The following TMTC2 variants were observed in gnomAD, a reference collection of about 807,000 sequenced individuals.
TMTC2 encodes transmembrane O-mannosyltransferase targeting cadherins 2.
TMTC2 carries 43 observed loss-of-function variants against 82.4 expected under a neutral mutation model. That is an observed-to-expected ratio of 0.52 (90% confidence interval 0.41 to 0.67). The LOEUF (loss-of-function observed/expected upper bound fraction) is 0.67, where lower values mean the gene tolerates loss of function less well. Ranked by LOEUF, TMTC2 falls within the 30% of genes least tolerant of loss-of-function variation. The probability of loss-of-function intolerance (pLI) is 0.00; values close to 1 mark genes in which losing one functional copy is unlikely to be tolerated. For synonymous variants in TMTC2, 408 were observed against 381.9 expected (o/e 1.07, Z -0.80); for missense variants, 919 against 1,012.4 (o/e 0.91, Z 1.25).
intron 11 of TMTC2, among the ~76,000 whole-genome samples, chr12:83,129,963 T>TA (rs967665584): frequency 1.3e-5 from 2 of 152,120 alleles, no homozygotes; most frequent in African/African-American, 4.8e-5. Flanking sequence ...AAATAATAGA[T>TA]ACAGACACTA....
At chr12:82,747,898 G>T (rs928590937) in intron 1 of TMTC2, among the ~76,000 whole-genome samples, 4 of 152,122 alleles carry the variant, frequency 2.6e-5, no homozygotes, top group African/African-American at 9.7e-5. Flanking sequence ...AACACCAGTT[G>T]GGCTAGTATA....
intron 3 of TMTC2, among the ~76,000 whole-genome samples, chr12:82,917,201 C>A (rs949462598): frequency 6.6e-6 from 1 of 152,172 alleles, no homozygotes; most frequent in Non-Finnish European, 1.5e-5. Context: ...ACAACACATT[C>A]ATGCTCGTTT....
At chr12:82,756,462 T>C (rs1876331541) in intron 1 of TMTC2, among the ~76,000 whole-genome samples, 2 of 152,228 alleles carry the variant, frequency 1.3e-5, no homozygotes. Flanking sequence ...GTGAGGGTTT[T>C]ACCTTACTGA....
At chr12:82,885,433 A>C (rs1873044911) in intron 2 of TMTC2, among the ~76,000 whole-genome samples, 1 of 151,802 alleles carries the variant, frequency 6.6e-6, no homozygotes, top group South Asian at 2.1e-4. Context: ...TGCAGTGGCT[A>C]ATCAGAGCTC....
intron 8 of TMTC2, among the ~76,000 whole-genome samples, chr12:83,024,517 T>C (rs551121164): frequency 6.6e-6 from 1 of 152,248 alleles, no homozygotes; most frequent in Non-Finnish European, 1.5e-5. Context: ...TGTAAGAAAT[T>C]CCCAAAGAGT....
At chr12:82,975,874 T>C (rs1410899065) in intron 7 of TMTC2, among the ~76,000 whole-genome samples, 1 of 124,134 alleles carries the variant, frequency 8.1e-6, no homozygotes, top group African/African-American at 3.0e-5. Flanking sequence ...TCTTTTTTCC[T>C]TTCTCTGGTA....
chr12:82,978,779 T>C (rs1878793065), intron 7 of TMTC2, among the ~76,000 whole-genome samples: 1 of 151,750 alleles, frequency 6.6e-6, no homozygotes, highest in African/African-American at 2.4e-5. Flanking sequence ...ATGCAGAAAA[T>C]TAGGTTTGAA....
At chr12:83,004,662 G>A (rs1271633361) in intron 8 of TMTC2, among the ~76,000 whole-genome samples, 1 of 146,980 alleles carries the variant, frequency 6.8e-6, no homozygotes, top group Admixed American at 7.0e-5. Context: ...GCTCTGCACG[G>A]GATCTTTATT....
intron 11 of TMTC2, among the ~76,000 whole-genome samples, chr12:83,066,188 G>A (rs1225314680): frequency 1.3e-5 from 2 of 151,902 alleles, no homozygotes; most frequent in Non-Finnish European, 2.9e-5. Context: ...TGCTTTGTGA[G>A]ACACATGAGC....
rs532103538 is a variant in TMTC2, at chr12:82,818,976, A to T, written c.84-38034A>T. Among the ~76,000 whole-genome samples the T allele has an allele frequency of 1.2e-3, 183 of 152,200 alleles. 1 individual carries two copies. The highest frequency in any genetic ancestry group is 2.2e-3 in the Non-Finnish European group (151 of 67,984). On this transcript the variant is annotated intron_variant, in intron 1 of 11. Coordinates refer to ENST00000321196, the MANE Select transcript of TMTC2 (RefSeq NM_152588.3). ...TGTTTTTAAATTTTGGTGTGAAAAGATAACTTACGGACTACATTTACAGTA... is the reference window on the plus strand; with the variant it reads ...TGTTTTTAAATTTTGGTGTGAAAAGTTAACTTACGGACTACATTTACAGTA...
intron 11 of TMTC2, among the ~76,000 whole-genome samples, chr12:83,119,543 A>C (rs1884881216): frequency 6.6e-6 from 1 of 152,152 alleles, no homozygotes; most frequent in East Asian, 1.9e-4. Flanking sequence ...AAATTTATTC[A>C]GGCTCGTTTT....
chr12:82,748,769 T>G (rs1306359307), intron 1 of TMTC2, among the ~76,000 whole-genome samples: 1 of 152,032 alleles, frequency 6.6e-6, no homozygotes, highest in African/African-American at 2.4e-5. Context: ...CCCAGCTACT[T>G]GTGAGGCTGA....
At chr12:82,844,591 G>T (rs868782723) in intron 1 of TMTC2, among the ~76,000 whole-genome samples, 2 of 151,474 alleles carry the variant, frequency 1.3e-5, no homozygotes, top group African/African-American at 4.9e-5. Context: ...CACGAAGTCA[G>T]GAGATCGAGA....
chr12:82,793,068 A>C (rs149769377), intron 1 of TMTC2, among the ~76,000 whole-genome samples: 361 of 152,262 alleles, frequency 2.4e-3, no homozygotes, highest in African/African-American at 8.4e-3. Flanking sequence ...ATGAATACAC[A>C]CATATGCACG....
At chr12:83,000,274 A>G (rs143943764) in intron 8 of TMTC2, among the ~76,000 whole-genome samples, 2 of 152,160 alleles carry the variant, frequency 1.3e-5, no homozygotes, top group Admixed American at 1.3e-4. Context: ...AGCTGGGACT[A>G]CAGGTGTATG....
At chr12:82,801,934 C>T (rs971883819) in intron 1 of TMTC2, among the ~76,000 whole-genome samples, 1 of 152,154 alleles carries the variant, frequency 6.6e-6, no homozygotes, top group Non-Finnish European at 1.5e-5. Context: ...CATAAAGATT[C>T]TCTCAGGTCC....
At chr12:82,961,511 C>T (rs1446203566) in intron 4 of TMTC2, among the ~76,000 whole-genome samples, 1 of 151,996 alleles carries the variant, frequency 6.6e-6, no homozygotes, top group African/African-American at 2.4e-5. Flanking sequence ...TTCTCTTTTC[C>T]TTCTAGAAAG....
chr12:82,857,729 TGACC>T (rs1291061523), intron 2 of TMTC2, 149 bp downstream of exon 2: 1 of 702,536 alleles, frequency 1.4e-6, no homozygotes, highest in Non-Finnish European at 2.3e-6. Flanking sequence ...AGTGTCCTTT[TGACC>T]TTTGTACTAA....
intron 1 of TMTC2, among the ~76,000 whole-genome samples, chr12:82,774,013 T>C (rs1877452855): frequency 6.6e-6 from 1 of 152,108 alleles, no homozygotes; most frequent in Admixed American, 6.6e-5. Context: ...GCCCTGCCAA[T>C]GGTTAGGAAG....
Sources: allele counts gnomAD v4.1 joint callset (sites outside exome capture counted in the v4.1 genomes callset), GRCh38; gene constraint gnomAD v4.1.1; transcripts MANE v1.5; gene names NCBI Gene and HGNC (gene_info 2026-07-23, HGNC 2026-07-21).